TENM1: variants seen among roughly 807,000 people sequenced by gnomAD.
The protein encoded by TENM1 is teneurin transmembrane protein 1.
Under a neutral mutation model 174.8 loss-of-function variants are expected in TENM1, and 35 were observed. The ratio of observed to expected loss-of-function variants is 0.20; its 90% CI spans 0.15 to 0.27. The LOEUF is 0.27. Ranked by LOEUF, TENM1 falls within the 10% of genes least tolerant of loss-of-function variation. The pLI is 1.00. For missense variants in TENM1, 1,633 were observed against 2,130.1 expected (o/e 0.77, Z 4.59); for synonymous variants, 781 against 798.7 (o/e 0.98, Z 0.37).
At chrX:124,427,352 C>T (rs1315745877) in intron 23 of TENM1, among the ~76,000 whole-genome samples, 1 of 112,081 alleles carries the variant, frequency 8.9e-6, no homozygotes, top group East Asian at 2.8e-4. Flanking sequence ...AGATTTAAAC[C>T]AATACGATTG....
chrX:124,572,695 A>G (rs374701636), intron 11 of TENM1, among the ~76,000 whole-genome samples: 1 of 111,634 alleles, frequency 9.0e-6, no homozygotes, highest in Non-Finnish European at 1.9e-5. Flanking sequence ...TGTAAAATCA[A>G]AAGGAAAAAA....
At chrX:125,202,927 G>A in the TENM1 span, among the ~76,000 whole-genome samples, 1 of 112,180 alleles carries the variant, frequency 8.9e-6, no homozygotes, top group Non-Finnish European at 1.9e-5. Flanking sequence ...CCTAGCGGGT[G>A]CTTGGCGCTC....
intron 18 of TENM1, among the ~76,000 whole-genome samples, chrX:124,504,858 G>C (rs1243453444): frequency 9.2e-6 from 1 of 109,033 alleles, no homozygotes; most frequent in East Asian, 2.9e-4. Context: ...TAGGTGAAGG[G>C]AAAAGATGGT....
intron 11 of TENM1, among the ~76,000 whole-genome samples, chrX:124,587,168 C>T (rs1342809093): frequency 9.1e-6 from 1 of 109,951 alleles, no homozygotes; most frequent in Non-Finnish European, 1.9e-5. Flanking sequence ...TGACTTTCTT[C>T]ACACAATTGG....
chrX:124,380,507 T>C (rs780349307), exon 32 of TENM1: 2 of 1,159,351 alleles, frequency 1.7e-6, no homozygotes, highest in African/African-American at 3.6e-5. Context: ...CAGGCAGTCT[T>C]TGGTGACGCA....
the TENM1 span, among the ~76,000 whole-genome samples, chrX:125,175,115 T>G: frequency 9.0e-6 from 1 of 110,936 alleles, no homozygotes; most frequent in African/African-American, 3.3e-5. Flanking sequence ...AACTGAACTG[T>G]CTACTATAAT....
At chrX:124,508,933 A>G (rs2047513998) in intron 18 of TENM1, among the ~76,000 whole-genome samples, 1 of 111,821 alleles carries the variant, frequency 8.9e-6, no homozygotes, top group Non-Finnish European at 1.9e-5. Flanking sequence ...TCATTCAACA[A>G]ATATGCAATA....
chrX:124,408,427 A>G (rs1438805627), intron 25 of TENM1, among the ~76,000 whole-genome samples: 1 of 111,740 alleles, frequency 8.9e-6, no homozygotes, highest in Non-Finnish European at 1.9e-5. Flanking sequence ...TACAGGCGTG[A>G]GCCACCACGC....
At chrX:124,902,206 G>A (rs2057675592) in intron 1 of TENM1, among the ~76,000 whole-genome samples, 1 of 112,034 alleles carries the variant, frequency 8.9e-6, no homozygotes, top group Non-Finnish European at 1.9e-5. Flanking sequence ...GTTCAAATGG[G>A]AAAAGAGTTA....
At chrX:125,054,795 C>G in the TENM1 span, among the ~76,000 whole-genome samples, 26,576 of 110,242 alleles carry the variant, frequency 0.24, 3,137 homozygotes, top group African/African-American at 0.46. Context: ...GTGGAGGAGG[C>G]GAGGGTAACA....
At chrX:124,900,413 G>A (rs1394754740) in intron 1 of TENM1, among the ~76,000 whole-genome samples, 3 of 111,582 alleles carry the variant, frequency 2.7e-5, no homozygotes, top group African/African-American at 9.8e-5. Context: ...GGATAACAAG[G>A]GACACAAAAA....
chrX:124,832,822 G>A (rs746655625), intron 3 of TENM1, among the ~76,000 whole-genome samples: 6 of 111,869 alleles, frequency 5.4e-5, no homozygotes, highest in Non-Finnish European at 7.5e-5. Flanking sequence ...AGATCCTCCC[G>A]CCTTGGCCTC....
intron 5 of TENM1, among the ~76,000 whole-genome samples, chrX:124,693,451 CTTCT>C (rs1399333934): frequency 8.9e-6 from 1 of 111,795 alleles, no homozygotes. Context: ...TTTTCTTAAA[CTTCT>C]TTCTTTATTT....
At chrX:124,528,432 C>T (rs914705829) in intron 16 of TENM1, among the ~76,000 whole-genome samples, 5 of 110,873 alleles carry the variant, frequency 4.5e-5, no homozygotes, top group African/African-American at 1.6e-4. Context: ...CAGGCCTCCA[C>T]GAGAAGTCAA....
chrX:124,397,716 G>A (rs1224063925), intron 27 of TENM1, among the ~76,000 whole-genome samples: 1 of 109,810 alleles, frequency 9.1e-6, no homozygotes, highest in Non-Finnish European at 1.9e-5. Context: ...TCCTGCCTCA[G>A]CCTCCTGAGT....
At chrX:124,748,494 T>A (rs1028280814) in intron 3 of TENM1, among the ~76,000 whole-genome samples, 2 of 110,981 alleles carry the variant, frequency 1.8e-5, no homozygotes, top group African/African-American at 3.3e-5. Flanking sequence ...AAATAAATGA[T>A]GAGGAAGCCA....
chrX:125,021,887 G>A, the TENM1 span, among the ~76,000 whole-genome samples: 1 of 112,836 alleles, frequency 8.9e-6, no homozygotes, highest in South Asian at 3.5e-4. Flanking sequence ...ATTTAGCTGA[G>A]GGATGCAGCT....
chrX:125,097,127 TAGA>T, the TENM1 span, among the ~76,000 whole-genome samples: 1 of 111,496 alleles, frequency 9.0e-6, no homozygotes. Flanking sequence ...ACCCTCATGT[TAGA>T]AGGTTGGCTA....
chrX:124,402,538 C>T (rs763887007), intron 27 of TENM1, among the ~76,000 whole-genome samples: 4 of 112,313 alleles, frequency 3.6e-5, no homozygotes, highest in Non-Finnish European at 7.5e-5. Context: ...GCACTAAGAA[C>T]AATTTGGGAT....
Sources: allele counts gnomAD v4.1 joint callset (sites outside exome capture counted in the v4.1 genomes callset), GRCh38; gene constraint gnomAD v4.1.1; transcripts MANE v1.5; gene names NCBI Gene and HGNC (gene_info 2026-07-23, HGNC 2026-07-21).